PPP1R16A: variants seen among roughly 807,000 people sequenced by gnomAD.
The protein encoded by PPP1R16A is protein phosphatase 1 regulatory subunit 16A.
Under a neutral mutation model 46.6 loss-of-function variants are expected in PPP1R16A, and 39 were observed. That is an observed-to-expected ratio of 0.84 (90% CI 0.65 to 1.09). PPP1R16A has a LOEUF of 1.09. Ranked by LOEUF, PPP1R16A falls within the 50% of genes least tolerant of loss-of-function variation. The probability of loss-of-function intolerance (pLI) is 0.00; values close to 1 mark genes in which losing one functional copy is unlikely to be tolerated. For synonymous variants in PPP1R16A, 413 were observed against 321.5 expected, an observed-to-expected ratio of 1.28 and a Z score of -3.04; for missense variants, 798 against 735.6, an observed-to-expected ratio of 1.08 and a Z score of -0.98.
At position 144,478,092 on chromosome 8, in the gene PPP1R16A, G is replaced by C. The variant is rs1418088682; in HGVS notation, c.-949G>C. On this transcript the variant is annotated 5_prime_UTR_variant, in exon 1 of 12. Transcript: ENST00000435887. ...GGCCCACTGACCCGCGGAAGCCAGCGGACCCACTTGTGCGGCGGTCGGCGC... is the reference window on the plus strand; with the variant it reads ...GGCCCACTGACCCGCGGAAGCCAGCCGACCCACTTGTGCGGCGGTCGGCGC... 1.0e-5 allele frequency: 4 copies of C among 395,696 alleles called. No individual in the cohort carries two copies. The highest frequency in any genetic ancestry group is 1.8e-5 in the Non-Finnish European group (4 of 224,172). 24.5% of individuals were successfully genotyped at this position (395,696 alleles called of 1,614,324 possible). A position where few individuals can be genotyped will look rare whatever the true frequency, so the allele number is the denominator to read the frequency against.
rs769178699 is a variant in PPP1R16A at position 144,501,546 on chromosome 8, G to A, written c.1230G>A (p.Pro410=). 28 of 1,581,358 alleles carry A rather than the reference G, an allele frequency of 1.8e-5. No individual in the cohort carries two copies. Among genetic ancestry groups the A allele is most frequent in the South Asian group, 5.8e-5 (5 of 86,676 alleles). The stretch of plus-strand genomic sequence containing the variant: ...AGGACAACCCCGAAGTGGTCAGGCC[G>A]CACAATGGCCGAGTAGGGGGCTCCC... ...PEEDNPEVVR[P]HNGRVGGSPV... The change falls in exon 12 of 12, where the codon CCG becomes CCA. Residue 410 remains proline (P), a synonymous_variant. Transcript: ENST00000435887.
At chr8:144,491,764 A>G (rs1352101991) in intron 2 of PPP1R16A, among the ~76,000 whole-genome samples, 8 of 142,630 alleles carry the variant, frequency 5.6e-5, no homozygotes, top group Non-Finnish European at 7.7e-5. Flanking sequence ...CTCTGTTTCA[A>G]AAAAAAAAAA....
At chr8:144,497,995 G>A (rs1450580523) in intron 3 of PPP1R16A, 1 of 455,168 alleles carries the variant, frequency 2.2e-6, no homozygotes, top group East Asian at 7.0e-5. Flanking sequence ...CACGCTTGCA[G>A]CCCCAGCTGT....
intron 2 of PPP1R16A, among the ~76,000 whole-genome samples, chr8:144,492,471 G>A (rs1450206047): frequency 1.3e-5 from 2 of 152,018 alleles, no homozygotes; most frequent in Admixed American, 6.6e-5. Flanking sequence ...AAGTAGCTGG[G>A]ACTACAGGCG....
chr8:144,491,917 G>A (rs1361969666), intron 2 of PPP1R16A, among the ~76,000 whole-genome samples: 1 of 152,230 alleles, frequency 6.6e-6, no homozygotes, highest in Non-Finnish European at 1.5e-5. Flanking sequence ...GGGCAATAGA[G>A]TGAGACCCTG....
In PPP1R16A at chr8:144,500,938, T is replaced by G; in HGVS notation, c.1004T>G (p.Leu335Arg). 1 of 1,506,274 alleles carries G rather than the reference T, an allele frequency of 6.6e-7. No homozygotes were observed. The highest frequency in any genetic ancestry group is 8.8e-7 in the Non-Finnish European group (1 of 1,133,220). The allele number at this position is 1,506,274 out of a possible 1,614,324, so 93.3% of individuals were successfully genotyped here. A position where few individuals can be genotyped will look rare whatever the true frequency, so the allele number is the denominator to read the frequency against. Residue 335 changes from leucine (L) to arginine (R), a missense_variant, in exon 10 of 12, where the codon CTG becomes CGG. Coordinates refer to ENST00000435887, the MANE Select transcript of PPP1R16A (RefSeq NM_001329443.2). ...LRAQSRQRSL[L>R]RRRTSSAGSR... ...GCCCAGAGCCGCCAGCGCTCCTTGCTGCGCCGCCGCACCTCCAGCGCCGGC... is the reference window on the plus strand; with the variant it reads ...GCCCAGAGCCGCCAGCGCTCCTTGCGGCGCCGCCGCACCTCCAGCGCCGGC...
At chr8:144,499,660 T>G (rs1826305975) in intron 5 of PPP1R16A, 1 of 199,364 alleles carries the variant, frequency 5.0e-6, no homozygotes, top group Admixed American at 5.4e-5. Context: ...GTAGGCCTGC[T>G]CCTCCACTGC....
chr8:144,501,238 C>T lies in PPP1R16A; in HGVS notation c.1147C>T (p.Pro383Ser). The T allele has an allele frequency of 6.2e-7, 1 of 1,605,838 alleles. No homozygotes were observed. The highest frequency in any genetic ancestry group is 8.5e-7 in the Non-Finnish European group (1 of 1,179,048). ...GCCGCCGCCCACCAGCCCGGAGCCG[C>T]CCGAGGACAACGATGACCGCCAGAC... ...QQPPPTSPEPPEDNDDRQTGA... is the reference protein window; with the variant it reads ...QQPPPTSPEPSEDNDDRQTGA... The change falls in exon 11 of 12, where the codon CCC (proline) becomes TCC (serine). Residue 383 changes from proline (P) to serine (S), a missense_variant. Pro to Ser is a moderately conservative substitution (Grantham distance 74). Coordinates refer to ENST00000435887, the MANE Select transcript of PPP1R16A (RefSeq NM_001329443.2).
At chr8:144,498,587 G>C in intron 3 of PPP1R16A, 183 bp from the exon 4 acceptor site, 1 of 594,666 alleles carries the variant, frequency 1.7e-6, no homozygotes, top group African/African-American at 1.8e-5. Flanking sequence ...GGGCTTCTGG[G>C]AGTGTGACCG....
At chr8:144,498,527 C>T (rs1213570975) in intron 3 of PPP1R16A, 6 of 513,662 alleles carry the variant, frequency 1.2e-5, no homozygotes, top group East Asian at 3.1e-5. Context: ...TTCTGGGGGT[C>T]GGAGGGCTGG....
intron 2 of PPP1R16A, among the ~76,000 whole-genome samples, chr8:144,494,600 G>A (rs1428383699): frequency 6.6e-6 from 1 of 152,188 alleles, no homozygotes; most frequent in Non-Finnish European, 1.5e-5. Context: ...TTCCCTGACG[G>A]TTAAATCTTA....
In PPP1R16A at chr8:144,480,806, A is replaced by G. The variant is rs142611737; in HGVS notation, c.-914+2679A>G. Among the ~76,000 whole-genome samples the G allele has an allele frequency of 6.4e-3, 965 of 151,396 alleles. 11 individuals carry two copies. Among genetic ancestry groups the G allele is most frequent in the Middle Eastern group, 0.021 (6 of 284 alleles). ...GCCCATGCTTTGATTTTTTACATCA[A>G]ACTTTATTGAGGTGTAACTTACAGT... On this transcript the variant is annotated intron_variant, in intron 1 of 11. Coordinates refer to ENST00000435887, the MANE Select transcript of PPP1R16A (RefSeq NM_001329443.2).
chr8:144,489,161 G>A (rs990280206), intron 1 of PPP1R16A, among the ~76,000 whole-genome samples: 1 of 142,838 alleles, frequency 7.0e-6, no homozygotes, highest in Non-Finnish European at 1.5e-5. Flanking sequence ...TCATGCCTAC[G>A]CAGGTGCTTT....
At position 144,501,210 on chromosome 8, in the gene PPP1R16A, A is replaced by G. The variant is rs200051514; in HGVS notation, c.1119A>G (p.Gln373=). The G allele has an allele frequency of 4.4e-5, 71 of 1,608,514 alleles. No individual in the cohort carries two copies. The highest frequency in any genetic ancestry group is 5.9e-5 in the Non-Finnish European group (70 of 1,179,478). ...ACGCCCAGGAGGCCATCGTGTGGCA[A>G]CAGCCGCCGCCCACCAGCCCGGAGC... ...KQHAQEAIVW[Q]QPPPTSPEPP... is the part of the protein sequence containing the mutation. The change falls in exon 11 of 12, where the codon CAA becomes CAG. Residue 373 remains glutamine, a synonymous_variant. Coordinates refer to ENST00000435887, the MANE Select transcript of PPP1R16A (RefSeq NM_001329443.2).
At chr8:144,482,542 C>T in intron 1 of PPP1R16A, among the ~76,000 whole-genome samples, 1 of 150,970 alleles carries the variant, frequency 6.6e-6, no homozygotes, top group East Asian at 1.9e-4. Flanking sequence ...CTGCCTCAAC[C>T]TCCCGGGTTT....
chr8:144,497,663 C>T (rs1332154726), intron 3 of PPP1R16A: 12 of 712,410 alleles, frequency 1.7e-5, no homozygotes, highest in South Asian at 6.0e-5. Flanking sequence ...TGAGCCTGTG[C>T]GGGACAGCCG....
intron 5 of PPP1R16A, 40 bp from the exon 6 acceptor site, chr8:144,500,056 A>G: frequency 7.0e-6 from 11 of 1,568,722 alleles, no homozygotes; most frequent in Non-Finnish European, 6.9e-6. Context: ...GCAAGCGGGG[A>G]AGGGCCTTGT....
Position 144,497,483 on chromosome 8 carries a change from C to T in PPP1R16A, c.259+30C>T, listed in dbSNP as rs369364155. On this transcript the variant is annotated intron_variant, in intron 3 of 11. Transcript: ENST00000435887. The stretch of plus-strand genomic sequence containing the variant: ...GTGTGGCTGAGCCCAGAGCAGCTCC[C>T]AGCAGACGGCCCACTCCCTGCTACC... 3.2e-5 allele frequency: 51 copies of T among 1,609,942 alleles called. No homozygotes were observed. In the African/African-American group the frequency reaches 6.1e-4, roughly 19 times the overall value.
intron 1 of PPP1R16A, among the ~76,000 whole-genome samples, chr8:144,482,925 C>T (rs548969512): frequency 1.3e-5 from 2 of 151,994 alleles, no homozygotes; most frequent in Admixed American, 6.5e-5. Flanking sequence ...GGATTACAGG[C>T]GTGAGCCACC....
Sources: gnomAD v4.1 joint callset for allele counts (sites outside exome capture counted in the v4.1 genomes callset) on GRCh38, gnomAD v4.1.1 for gene constraint, MANE v1.5 for transcripts, NCBI Gene and HGNC (gene_info 2026-07-23, HGNC 2026-07-21) for gene names.